Variants in ATP2C2 observed in about 807,000 individuals in gnomAD.
The protein encoded by ATP2C2 is ATPase secretory pathway Ca2+ transporting 2.
In ATP2C2, 171 loss-of-function variants were observed where a neutral mutation model predicts 110.8. That is an observed-to-expected ratio of 1.54 (90% CI 1.36 to 1.75). The LOEUF is 1.75. ATP2C2 is among the 40% of genes most tolerant of loss of function. The pLI is 0.00. For synonymous variants in ATP2C2, 804 were observed against 508.4 expected (o/e 1.58, Z -7.82); for missense variants, 1,963 against 1,235.0 (o/e 1.59, Z -8.84).
At chr16:84,391,764 T>G (rs1904677326) in intron 1 of ATP2C2, among the ~76,000 whole-genome samples, 1 of 152,130 alleles carries the variant, frequency 6.6e-6, no homozygotes. Flanking sequence ...TTCGGTTGTT[T>G]TAAGCCACCG....
chr16:84,403,852 G>A (rs1425521105), intron 2 of ATP2C2, among the ~76,000 whole-genome samples: 6 of 152,222 alleles, frequency 3.9e-5, no homozygotes, highest in East Asian at 3.9e-4. Flanking sequence ...CACCACGCCC[G>A]GCTAATTCTT....
chr16:84,439,443 C>A lies in ATP2C2; in HGVS notation c.1128C>A (p.Leu376=). Residue 376 remains leucine, a synonymous_variant, in exon 13 of 27, where the codon CTC becomes CTA. Transcript: ENST00000262429. ...IVETLGCCSV[L]CSDKTGTLTA... is the part of the protein sequence containing the mutation. ...TTGTACCAGGTTGCTGCAGCGTTCTCTGTTCTGACAAGACGGGGACTCTGA... is the reference window on the plus strand; with the variant it reads ...TTGTACCAGGTTGCTGCAGCGTTCTATGTTCTGACAAGACGGGGACTCTGA... The A allele has an allele frequency of 6.2e-7, 1 of 1,614,190 alleles. No individual in the cohort carries two copies. Among genetic ancestry groups the A allele is most frequent in the African/African-American group, 1.3e-5 (1 of 75,046 alleles).
At chr16:84,433,898 G>A (rs1228303834) in intron 11 of ATP2C2, among the ~76,000 whole-genome samples, 2 of 152,134 alleles carry the variant, frequency 1.3e-5, no homozygotes, top group East Asian at 3.8e-4. Context: ...CTCCCTTGCA[G>A]CACGGGCATC....
chr16:84,462,302 G>A (rs1911458942), intron 26 of ATP2C2, 173 bp downstream of exon 26: 2 of 830,932 alleles, frequency 2.4e-6, no homozygotes, highest in Non-Finnish European at 3.7e-6. Context: ...CTCTAACGTG[G>A]GTGATGTGAC....
intron 24 of ATP2C2, 73 bp from the exon 25 acceptor site, chr16:84,461,641 G>T: frequency 7.4e-7 from 1 of 1,352,626 alleles, no homozygotes. Flanking sequence ...AGTGAGGCAG[G>T]CCTGTGCCCT....
At chr16:84,447,482 G>A (rs946982238) in intron 16 of ATP2C2, among the ~76,000 whole-genome samples, 2 of 151,494 alleles carry the variant, frequency 1.3e-5, no homozygotes, top group Non-Finnish European at 2.9e-5. Context: ...ATGGAGCATT[G>A]CAGATTTTAA....
At chr16:84,370,396 A>G (rs925194196) in intron 1 of ATP2C2, among the ~76,000 whole-genome samples, 2 of 152,210 alleles carry the variant, frequency 1.3e-5, no homozygotes, top group African/African-American at 4.8e-5. Flanking sequence ...AGGCCAGCTG[A>G]GAAAGAAGCC....
In ATP2C2 at chr16:84,450,839, C is replaced by T. The variant is rs111310719; in HGVS notation, c.1661-1082C>T. 8.1e-4 allele frequency among the ~76,000 whole-genome samples: 123 copies of T among 152,170 alleles called. No individual in the cohort carries two copies. The East Asian group carries it at 0.019, about 24-fold the overall frequency. ...TCAATTTTTCTTAACCTCTGTACCG[C>T]GCCCCCAAGACTGCTGGAGATGACA... On this transcript the variant is annotated intron_variant, in intron 17 of 26. Coordinates refer to ENST00000262429, the MANE Select transcript of ATP2C2 (RefSeq NM_014861.4).
At chr16:84,406,416 G>A (rs555346547) in intron 3 of ATP2C2, among the ~76,000 whole-genome samples, 10 of 152,274 alleles carry the variant, frequency 6.6e-5, no homozygotes, top group African/African-American at 1.9e-4. Flanking sequence ...CCCCATCCCT[G>A]ACATCCCCTT....
intron 21 of ATP2C2, among the ~76,000 whole-genome samples, chr16:84,458,483 C>T (rs1212579505): frequency 1.4e-5 from 1 of 72,672 alleles, no homozygotes; most frequent in East Asian, 3.0e-4. Flanking sequence ...TACCCTAAAA[C>T]TTAGAGTATA....
At chr16:84,412,163 G>A (rs1329805020) in intron 6 of ATP2C2, among the ~76,000 whole-genome samples, 2 of 152,122 alleles carry the variant, frequency 1.3e-5, no homozygotes, top group Non-Finnish European at 2.9e-5. Context: ...ACAGGTGCAT[G>A]CCATGCCACC....
intron 4 of ATP2C2, among the ~76,000 whole-genome samples, chr16:84,409,739 G>A (rs1365368500): frequency 1.3e-5 from 2 of 152,080 alleles, no homozygotes; most frequent in Non-Finnish European, 2.9e-5. Context: ...TTGACCTCAG[G>A]TGATCCGCCT....
intron 6 of ATP2C2, 63 bp downstream of exon 6, chr16:84,410,828 GGC>G (rs1176006620): frequency 2.0e-6 from 3 of 1,515,572 alleles, no homozygotes; most frequent in African/African-American, 1.4e-5. Context: ...TGGAGAGTTT[GGC>G]AAATGTTTGC....
At position 84,424,869 on chromosome 16, in the gene ATP2C2, A is replaced by G. The variant is rs148839213; in HGVS notation, c.920-866A>G. On this transcript the variant is annotated intron_variant, in intron 10 of 26. Transcript: ENST00000262429. ...TGTGAGGAGTCTCCAGCCTTCTACT[A>G]TGGGAATGCCACAAGGGTGGAGTGA... Among the ~76,000 whole-genome samples the G allele has an allele frequency of 5.9e-3, 898 of 152,230 alleles. 4 individuals carry two copies. The highest frequency in any genetic ancestry group is 0.017 in the Middle Eastern group (5 of 294).
At chr16:84,405,642 G>C (rs115333951) in intron 3 of ATP2C2, among the ~76,000 whole-genome samples, 10 of 152,176 alleles carry the variant, frequency 6.6e-5, no homozygotes, top group African/African-American at 2.4e-4. Context: ...ATTTCAGGCT[G>C]GGCGTGGTGG....
chr16:84,401,920 T>A lies in ATP2C2; in HGVS notation c.211-3208T>A, dbSNP rs189685568. On this transcript the variant is annotated intron_variant, in intron 2 of 26. Transcript: ENST00000262429. ...GATTAAATCTATAGATTGCTTTGGG[T>A]AGTATGGACATTTTAACAATATTGA... 6.6e-5 allele frequency among the ~76,000 whole-genome samples: 10 copies of A among 151,948 alleles called. No homozygotes were observed. In the East Asian group the frequency reaches 1.9e-3, roughly 29 times the overall value.
chr16:84,390,455 T>C (rs1042762376), intron 1 of ATP2C2, among the ~76,000 whole-genome samples: 1 of 152,202 alleles, frequency 6.6e-6, no homozygotes, highest in Non-Finnish European at 1.5e-5. Flanking sequence ...GGCCGTTTCC[T>C]TGGGGCTAGG....
intron 1 of ATP2C2, among the ~76,000 whole-genome samples, chr16:84,387,518 A>G (rs1291916553): frequency 6.6e-6 from 1 of 152,118 alleles, no homozygotes; most frequent in Non-Finnish European, 1.5e-5. Flanking sequence ...TCTCAAAAAA[A>G]ACAAGAAAGA....
chr16:84,393,760 G>A (rs754294995), intron 1 of ATP2C2, among the ~76,000 whole-genome samples: 2 of 151,736 alleles, frequency 1.3e-5, no homozygotes, highest in Admixed American at 1.3e-4. Flanking sequence ...GAGTGGGGGT[G>A]GAGGGGGCTG....
Sources: allele counts gnomAD v4.1 joint callset (sites outside exome capture counted in the v4.1 genomes callset), GRCh38; gene constraint gnomAD v4.1.1; transcripts MANE v1.5; gene names NCBI Gene and HGNC (gene_info 2026-07-23, HGNC 2026-07-21).